Variants in PICK1 observed in about 807,000 individuals in gnomAD.
The protein encoded by PICK1 is PRKCA-binding protein.
In PICK1, 23 loss-of-function variants were observed where a neutral mutation model predicts 48.9. That is an observed-to-expected ratio of 0.47 (90% CI 0.34 to 0.67). The LOEUF is 0.67. PICK1 is among the 30% of genes least tolerant of loss of function. The probability of loss-of-function intolerance (pLI) is 0.01; values close to 1 mark genes in which losing one functional copy is unlikely to be tolerated. For missense variants in PICK1, 423 were observed against 557.1 expected, an observed-to-expected ratio of 0.76 and a Z score of 2.42; for synonymous variants, 217 against 228.2, an observed-to-expected ratio of 0.95 and a Z score of 0.44.
In PICK1 at chr22:38,065,586, G is replaced by T. The variant is rs994181730; in HGVS notation, c.282+456G>T. ...CTTTCCCCATCCTGTAGGAACTTTC[G>T]GTCCCACACAGCCTCCTGGGCTCAT... On this transcript the variant is annotated intron_variant, in intron 4 of 12. Transcript: ENST00000356976. 7.2e-5 allele frequency among the ~76,000 whole-genome samples: 11 copies of T among 152,202 alleles called. No homozygotes were observed. The South Asian group carries it at 2.3e-3, about 32-fold the overall frequency.
chr22:38,059,954 C>T (rs2085358710), intron 3 of PICK1, among the ~76,000 whole-genome samples: 1 of 152,208 alleles, frequency 6.6e-6, no homozygotes, highest in Middle Eastern at 3.2e-3. Flanking sequence ...TGGCTCACAC[C>T]TGTAATCCCA....
At chr22:38,063,796 C>T (rs2085462407) in intron 3 of PICK1, among the ~76,000 whole-genome samples, 1 of 152,028 alleles carries the variant, frequency 6.6e-6, no homozygotes, top group Non-Finnish European at 1.5e-5. Context: ...GCGTACACCA[C>T]CATGCCCAGC....
Position 38,066,567 on chromosome 22 carries a change from A to G in PICK1, c.283-1137A>G, listed in dbSNP as rs1266626711. ...CGGGGAGTGACCTGCTTGTGGTCACACAGCTGAACTGGAGCCCGGGCCCGA... is the reference window on the plus strand; with the variant it reads ...CGGGGAGTGACCTGCTTGTGGTCACGCAGCTGAACTGGAGCCCGGGCCCGA... On this transcript the variant is annotated intron_variant, in intron 4 of 12. Coordinates refer to ENST00000356976, the MANE Select transcript of PICK1 (RefSeq NM_012407.4). The surrounding 1 kb of genome is among the most constrained non-coding windows in gnomAD (Gnocchi z 4.1). Among the ~76,000 whole-genome samples the G allele has an allele frequency of 6.6e-6, 1 of 152,128 alleles. No homozygotes were observed. The highest frequency in any genetic ancestry group is 1.5e-5 in the Non-Finnish European group (1 of 68,022).
Position 38,072,617 on chromosome 22 carries a change from C to G in PICK1, c.690+7C>G. On this transcript the variant is annotated splice_region_variant and intron_variant, in intron 9 of 12. Coordinates refer to ENST00000356976, the MANE Select transcript of PICK1 (RefSeq NM_012407.4). ...TCTGAAAACCATCAAGCCGGTAGGT[C>G]CTATTGAGCATGTGTGTGTCTGGCG... 6.2e-7 allele frequency: 1 copy of G among 1,612,928 alleles called. No homozygotes were observed. Among genetic ancestry groups the G allele is most frequent in the South Asian group, 1.1e-5 (1 of 91,074 alleles).
chr22:38,057,768 C>T lies in PICK1; in HGVS notation c.-42C>T. 15 of 1,592,988 alleles carry T rather than the reference C, an allele frequency of 9.4e-6. No individual in the cohort carries two copies. Among genetic ancestry groups the T allele is most frequent in the African/African-American group, 1.3e-5 (1 of 74,582 alleles). On this transcript the variant is annotated 5_prime_UTR_variant, in exon 2 of 13. Transcript: ENST00000356976. ...CCGGATCCAGTTCCCCATTCCCCTA[C>T]CGAGCTGGGCAGTTAGCCAGCCCAC...
chr22:38,072,685 G>C (rs115862843), intron 9 of PICK1, 75 bp downstream of exon 9: 3 of 1,577,990 alleles, frequency 1.9e-6, no homozygotes, highest in East Asian at 2.2e-5. Flanking sequence ...AGAGAAGGTC[G>C]TATGCTGGAG....
In PICK1 at chr22:38,074,508, C is replaced by G; in HGVS notation, c.979+57C>G. The G allele has an allele frequency of 6.2e-7, 1 of 1,600,604 alleles. No individual in the cohort carries two copies. The highest frequency in any genetic ancestry group is 8.5e-7 in the Non-Finnish European group (1 of 1,172,698). Reference sequence around the variant, plus strand: ...CATTTCAGAGGTGGGAAAACTGAGGCCCAGAGGGGTACTCTCAGGGCCAGG... The same window carrying G: ...CATTTCAGAGGTGGGAAAACTGAGGGCCAGAGGGGTACTCTCAGGGCCAGG... On this transcript the variant is annotated intron_variant, in intron 12 of 12. Coordinates refer to ENST00000356976, the MANE Select transcript of PICK1 (RefSeq NM_012407.4). This position sits in a 1 kb window ranked among gnomAD's most constrained non-coding sequence, Gnocchi z 4.5.
In PICK1 at chr22:38,072,553, C is replaced by T. The variant is rs200363595; in HGVS notation, c.633C>T (p.Ala211=). 42 of 1,613,378 alleles carry T rather than the reference C, an allele frequency of 2.6e-5. No individual in the cohort carries two copies. The African/African-American group carries it at 4.3e-4, about 16-fold the overall frequency. Residue 211 remains alanine, a synonymous_variant, in exon 9 of 13, where the codon GCC becomes GCT. Coordinates refer to ENST00000356976, the MANE Select transcript of PICK1 (RefSeq NM_012407.4). The stretch of plus-strand genomic sequence containing the variant: ...CGAGCGAGGCTTTTGTGAAGTTCGC[C>T]GATGCCCACCGCAGCATCGAGAAGT... ...PAASEAFVKF[A]DAHRSIEKFG...
At chr22:38,067,101 C>T (rs1018765853) in intron 4 of PICK1, among the ~76,000 whole-genome samples, 7 of 151,670 alleles carry the variant, frequency 4.6e-5, no homozygotes, top group African/African-American at 1.7e-4. Flanking sequence ...GTGTGGTTTG[C>T]GTGGGGAGGG....
At chr22:38,072,395 T>C (rs1601956986) in intron 8 of PICK1, 82 bp from the exon 9 acceptor site, 4 of 1,547,010 alleles carry the variant, frequency 2.6e-6, no homozygotes, top group East Asian at 4.5e-5. Context: ...CCAGGCCCCC[T>C]GCCCTGCTTC....
At chr22:38,070,462 G>A (rs921278574) in intron 6 of PICK1, among the ~76,000 whole-genome samples, 4 of 152,080 alleles carry the variant, frequency 2.6e-5, no homozygotes, top group Non-Finnish European at 4.4e-5. Flanking sequence ...CCCAAGTTGC[G>A]TTTTCCCTTC....
At chr22:38,062,542 C>T (rs907133176) in intron 3 of PICK1, among the ~76,000 whole-genome samples, 1 of 152,160 alleles carries the variant, frequency 6.6e-6, no homozygotes, top group Non-Finnish European at 1.5e-5. Context: ...GCCACCATGC[C>T]CGGCCCCATT....
chr22:38,069,025 C>T lies in PICK1; in HGVS notation c.350-8C>T, dbSNP rs546541833. ...ACAGACTCACCAGGTCCTTTGTCCC[C>T]CGCTCAGTGTTGAAGAAAGTCAAGC... is the stretch of plus-strand genomic sequence containing the variant. On this transcript the variant is annotated splice_polypyrimidine_tract_variant and splice_region_variant and intron_variant, in intron 5 of 12. Coordinates refer to ENST00000356976, the MANE Select transcript of PICK1 (RefSeq NM_012407.4). The T allele has an allele frequency of 5.2e-5, 83 of 1,610,608 alleles. No individual in the cohort carries two copies. The highest frequency in any genetic ancestry group is 2.2e-5 in the East Asian group (1 of 44,726).
chr22:38,071,930 C>G, intron 8 of PICK1, 186 bp downstream of exon 8: 1 of 660,582 alleles, frequency 1.5e-6, no homozygotes, highest in South Asian at 1.6e-5. Flanking sequence ...CTCTTAAGGG[C>G]CGCAACGATG....
rs766578501 is a variant in PICK1, at chr22:38,071,783, A to C, written c.556+39A>C. The C allele has an allele frequency of 2.6e-6, 4 of 1,550,564 alleles. No homozygotes were observed. In the Admixed American group the frequency reaches 6.7e-5, roughly 26 times the overall value. Reference sequence around the variant, plus strand: ...CCAAAGCTGTGGTGTGACCGTGGGCAATCCCTGGGGCCTCTCACTCCCATG... The same window carrying C: ...CCAAAGCTGTGGTGTGACCGTGGGCCATCCCTGGGGCCTCTCACTCCCATG... On this transcript the variant is annotated intron_variant, in intron 8 of 12. Transcript: ENST00000356976.
In PICK1 at chr22:38,075,579, C is replaced by T; in HGVS notation, c.*447C>T. On this transcript the variant is annotated 3_prime_UTR_variant, in exon 13 of 13. Coordinates refer to ENST00000356976, the MANE Select transcript of PICK1 (RefSeq NM_012407.4). Reference sequence around the variant, plus strand: ...GCACCCTTGCCTCGCCCCAGACCGGCCCGTCCAGTCCCCATCACACCTCGG... The same window carrying T: ...GCACCCTTGCCTCGCCCCAGACCGGTCCGTCCAGTCCCCATCACACCTCGG... 1 of 171,854 alleles carries T rather than the reference C, an allele frequency of 5.8e-6. No homozygotes were observed. Among genetic ancestry groups the T allele is most frequent in the Non-Finnish European group, 1.3e-5 (1 of 79,370 alleles). The allele number at this position is 171,854 out of a possible 1,614,324, so 10.6% of individuals were successfully genotyped here. A position where few individuals can be genotyped will look rare whatever the true frequency, so the allele number is the denominator to read the frequency against.
chr22:38,071,473 A>G (rs567277179), intron 7 of PICK1, among the ~76,000 whole-genome samples: 14 of 152,344 alleles, frequency 9.2e-5, no homozygotes, highest in African/African-American at 3.4e-4. Context: ...TGCATCTTAC[A>G]AAATGCTGGC....
chr22:38,075,048 A>AGAC lies in PICK1; in HGVS notation c.1165_1167dup (p.Asp389dup). 6.2e-7 allele frequency: 1 copy of AGAC among 1,612,938 alleles called. No homozygotes were observed. Among genetic ancestry groups the AGAC allele is most frequent in the Non-Finnish European group, 8.5e-7 (1 of 1,179,822 alleles). ...ATGGGGAGGAGGAGGAGGAGGAGGA[A>AGAC]GACACGGCAGCTGGGGAGCCGTCCA... On this transcript the variant is annotated inframe_insertion, in exon 13 of 13. Coordinates refer to ENST00000356976, the MANE Select transcript of PICK1 (RefSeq NM_012407.4).
intron 5 of PICK1, among the ~76,000 whole-genome samples, chr22:38,068,394 C>CACACCTA (rs1377863802): frequency 1.3e-5 from 2 of 152,206 alleles, no homozygotes; most frequent in African/African-American, 4.8e-5. Context: ...CCAGAGAGGG[C>CACACCTA]GCTGCAGCCC....
Sources: gnomAD v4.1 joint callset for allele counts (sites outside exome capture counted in the v4.1 genomes callset) on GRCh38, gnomAD v4.1.1 for gene constraint, Gnocchi (gnomAD v3.1) non-coding constraint, MANE v1.5 for transcripts, NCBI Gene and HGNC (gene_info 2026-07-23, HGNC 2026-07-21) for gene names.